The following UNC13C variants were observed in gnomAD, a reference collection of about 807,000 sequenced individuals.
UNC13C encodes unc-13 homolog C.
Under a neutral mutation model 245.4 loss-of-function variants are expected in UNC13C, and 174 were observed. That is an observed-to-expected ratio of 0.71 (90% CI 0.63 to 0.80). UNC13C has a LOEUF of 0.80. UNC13C is among the 30% of genes least tolerant of loss of function. The probability of loss-of-function intolerance (pLI) is 0.00; values close to 1 mark genes in which losing one functional copy is unlikely to be tolerated. For missense variants in UNC13C, 2,829 were observed against 2,602.9 expected, an observed-to-expected ratio of 1.09 and a Z score of -1.89; for synonymous variants, 992 against 895.1, an observed-to-expected ratio of 1.11 and a Z score of -1.93.
At chr15:54,425,059 A>G (rs1164918592) in intron 19 of UNC13C, among the ~76,000 whole-genome samples, 2 of 151,886 alleles carry the variant, frequency 1.3e-5, no homozygotes, top group African/African-American at 4.8e-5. Context: ...AAGAAACTCC[A>G]GGCCTTTCTG....
intron 2 of UNC13C, among the ~76,000 whole-genome samples, chr15:54,061,461 T>C: frequency 6.6e-6 from 1 of 152,190 alleles, no homozygotes; most frequent in East Asian, 1.9e-4. Flanking sequence ...AGTTATTTTT[T>C]TGCTAATTGG....
chr15:54,282,148 C>T (rs371189655), intron 10 of UNC13C, among the ~76,000 whole-genome samples: 13 of 152,174 alleles, frequency 8.5e-5, no homozygotes, highest in East Asian at 5.8e-4. Context: ...TTCTGAACTA[C>T]ATCTCCATCA....
At chr15:53,960,983 T>G in the UNC13C span, among the ~76,000 whole-genome samples, 2 of 152,226 alleles carry the variant, frequency 1.3e-5, no homozygotes, top group Non-Finnish European at 2.9e-5. Context: ...GCTCTGTGTA[T>G]GTGTGTTTGT....
intron 2 of UNC13C, among the ~76,000 whole-genome samples, chr15:54,092,772 T>C (rs192353295): frequency 1.3e-5 from 2 of 152,330 alleles, no homozygotes; most frequent in Admixed American, 1.3e-4. Flanking sequence ...AATGGGAATA[T>C]AGGGAGAATA....
intron 2 of UNC13C, among the ~76,000 whole-genome samples, chr15:54,026,248 T>G (rs577478083): frequency 6.6e-6 from 1 of 152,218 alleles, no homozygotes; most frequent in Non-Finnish European, 1.5e-5. Flanking sequence ...GAGTAGACTA[T>G]GGCTGAAGTC....
At chr15:53,878,717 A>G in the UNC13C span, among the ~76,000 whole-genome samples, 1 of 152,222 alleles carries the variant, frequency 6.6e-6, no homozygotes, top group South Asian at 2.1e-4. Flanking sequence ...GCTAGCTGCC[A>G]TAATGATGAT....
At chr15:54,310,247 G>T (rs2037833748) in intron 13 of UNC13C, among the ~76,000 whole-genome samples, 1 of 151,788 alleles carries the variant, frequency 6.6e-6, no homozygotes, top group Non-Finnish European at 1.5e-5. Flanking sequence ...AAAAGTAAAT[G>T]ATTTTCAATG....
intron 10 of UNC13C, among the ~76,000 whole-genome samples, chr15:54,283,277 A>G (rs2140919985): frequency 6.6e-6 from 1 of 152,336 alleles, no homozygotes; most frequent in South Asian, 2.1e-4. Flanking sequence ...GGGTATATAT[A>G]CAAATCCACA....
intron 10 of UNC13C, among the ~76,000 whole-genome samples, chr15:54,268,578 C>T (rs1387856261): frequency 1.3e-5 from 2 of 152,084 alleles, no homozygotes; most frequent in Non-Finnish European, 2.9e-5. Context: ...TAGTTCTGGA[C>T]ATACTTAAGT....
At chr15:54,276,728 G>T (rs2036843382) in intron 10 of UNC13C, among the ~76,000 whole-genome samples, 2 of 152,008 alleles carry the variant, frequency 1.3e-5, no homozygotes, top group Admixed American at 1.3e-4. Context: ...TTAAAAGAAT[G>T]TGCTATCTCA....
the UNC13C span, among the ~76,000 whole-genome samples, chr15:53,950,021 A>C: frequency 6.6e-6 from 1 of 152,200 alleles, no homozygotes; most frequent in Non-Finnish European, 1.5e-5. Context: ...ATGTCAATAC[A>C]CAGAAATATA....
chr15:54,395,310 C>T (rs1479672204), intron 18 of UNC13C, among the ~76,000 whole-genome samples: 1 of 151,788 alleles, frequency 6.6e-6, no homozygotes, highest in Non-Finnish European at 1.5e-5. Flanking sequence ...TTGAATACTG[C>T]ATCGTCACAT....
intron 29 of UNC13C, among the ~76,000 whole-genome samples, chr15:54,556,007 A>G (rs1042795490): frequency 6.6e-6 from 1 of 152,102 alleles, no homozygotes; most frequent in Non-Finnish European, 1.5e-5. Flanking sequence ...ATACCCAAAG[A>G]TGTCGTTTGT....
intron 13 of UNC13C, among the ~76,000 whole-genome samples, chr15:54,310,805 T>TGCACACACAC (rs1317893655): frequency 1.3e-5 from 2 of 151,264 alleles, no homozygotes; most frequent in Non-Finnish European, 3.0e-5. Flanking sequence ...CACACACACA[T>TGCACACACAC]GCACACACAC....
At chr15:54,303,798 A>T (rs182705794) in intron 13 of UNC13C, among the ~76,000 whole-genome samples, 1 of 152,206 alleles carries the variant, frequency 6.6e-6, no homozygotes, top group Non-Finnish European at 1.5e-5. Context: ...TAAGATGTAC[A>T]TTGGTTCCAT....
intron 1 of UNC13C, among the ~76,000 whole-genome samples, chr15:54,008,534 T>A (rs1566945022): frequency 6.6e-6 from 1 of 152,182 alleles, no homozygotes; most frequent in Non-Finnish European, 1.5e-5. Context: ...TCCCTAAAGT[T>A]CATTAATGAA....
chr15:54,591,099 G>A (rs1025194101), intron 30 of UNC13C, among the ~76,000 whole-genome samples: 1 of 152,118 alleles, frequency 6.6e-6, no homozygotes, highest in Non-Finnish European at 1.5e-5. Context: ...CACATTTTTT[G>A]ACTTGTGTAT....
chr15:54,366,464 A>G (rs2039367882), intron 17 of UNC13C, among the ~76,000 whole-genome samples: 1 of 152,194 alleles, frequency 6.6e-6, no homozygotes, highest in South Asian at 2.1e-4. Context: ...TATTTTAGTT[A>G]TGTGCATATG....
At chr15:54,251,297 T>C (rs2036146454) in intron 8 of UNC13C, among the ~76,000 whole-genome samples, 1 of 152,192 alleles carries the variant, frequency 6.6e-6, no homozygotes, top group African/African-American at 2.4e-5. Context: ...ACTTACCAGA[T>C]ATGTGACTTT....
Sources: gnomAD v4.1 joint callset for allele counts (sites outside exome capture counted in the v4.1 genomes callset) on GRCh38, gnomAD v4.1.1 for gene constraint, MANE v1.5 for transcripts, NCBI Gene and HGNC (gene_info 2026-07-23, HGNC 2026-07-21) for gene names.